Variants in PCYT1B observed in about 807,000 individuals in gnomAD.
The protein encoded by PCYT1B is choline-phosphate cytidylyltransferase B.
PCYT1B carries 10 observed loss-of-function variants against 26.4 expected under a neutral mutation model. The observed-to-expected ratio is 0.38, with a 90% CI of 0.23 to 0.64. PCYT1B has a LOEUF of 0.64. Ranked by LOEUF, PCYT1B falls within the 30% of genes least tolerant of loss-of-function variation. The pLI is 0.56. For synonymous variants in PCYT1B, 131 were observed against 108.4 expected (o/e 1.21, Z -1.29); for missense variants, 161 against 292.7 (o/e 0.55, Z 3.28).
chrX:24,665,198 A>T (rs1927102944), intron 1 of PCYT1B, among the ~76,000 whole-genome samples: 1 of 112,121 alleles, frequency 8.9e-6, no homozygotes, highest in Admixed American at 9.5e-5. Context: ...AGGTTTGGCA[A>T]ATTAATAATA....
intron 1 of PCYT1B, among the ~76,000 whole-genome samples, chrX:24,670,636 G>A (rs1377553682): frequency 5.4e-5 from 6 of 111,994 alleles, no homozygotes; most frequent in Non-Finnish European, 1.1e-4. Context: ...GCTCAAGGAG[G>A]TTAAATAAGC....
chrX:24,626,260 A>G (rs1445760519), intron 1 of PCYT1B, among the ~76,000 whole-genome samples: 1 of 112,641 alleles, frequency 8.9e-6, no homozygotes, highest in Non-Finnish European at 1.9e-5. Flanking sequence ...CACATTAGCC[A>G]CATTTCAGGT....
chrX:24,667,146 C>G (rs1191093544), intron 1 of PCYT1B, among the ~76,000 whole-genome samples: 1 of 110,436 alleles, frequency 9.1e-6, no homozygotes, highest in Non-Finnish European at 1.9e-5. Flanking sequence ...TGGCTAAGAT[C>G]AAGCGGAGAG....
At chrX:24,654,945 G>C (rs1034744595) in intron 1 of PCYT1B, among the ~76,000 whole-genome samples, 1 of 109,762 alleles carries the variant, frequency 9.1e-6, no homozygotes, top group African/African-American at 3.3e-5. Flanking sequence ...TTAAGGTCTG[G>C]GCCTAATAGT....
chrX:24,656,492 G>A (rs1198118756), intron 1 of PCYT1B, among the ~76,000 whole-genome samples: 4 of 105,359 alleles, frequency 3.8e-5, no homozygotes, highest in African/African-American at 7.0e-5. Flanking sequence ...ATATATATTT[G>A]CAATTGGTTG....
upstream of PCYT1B, among the ~76,000 whole-genome samples, chrX:24,651,454 C>CAAA (rs1188690484): frequency 5.4e-4 from 6 of 11,069 alleles, no homozygotes; most frequent in Non-Finnish European, 7.1e-4. Flanking sequence ...GATGCCATCT[C>CAAA]AAAAAAAAAA....
intron 1 of PCYT1B, among the ~76,000 whole-genome samples, chrX:24,670,079 A>AGAAG (rs1927212665): frequency 2.3e-5 from 2 of 86,270 alleles, no homozygotes; most frequent in Non-Finnish European, 4.6e-5. Flanking sequence ...AAAGAAAGAA[A>AGAAG]GAAAGAAAGA....
intron 5 of PCYT1B, among the ~76,000 whole-genome samples, chrX:24,581,560 C>T (rs1377067338): frequency 8.9e-6 from 1 of 112,250 alleles, no homozygotes; most frequent in Non-Finnish European, 1.9e-5. Context: ...ACTAGGTCTT[C>T]TGGTGTGTTG....
chrX:24,671,341 G>GAATCAATC (rs370090148), intron 1 of PCYT1B, among the ~76,000 whole-genome samples: 1,332 of 102,991 alleles, frequency 0.013, 9 homozygotes, highest in Non-Finnish European at 0.017. Flanking sequence ...ATGAATGAAT[G>GAATCAATC]AATCAATCAA....
intron 6 of PCYT1B, among the ~76,000 whole-genome samples, chrX:24,577,925 T>C (rs1924073741): frequency 1.8e-5 from 2 of 111,235 alleles, no homozygotes; most frequent in African/African-American, 6.5e-5. Context: ...TTTAACAGCT[T>C]GTTTTGCTTA....
intron 1 of PCYT1B, among the ~76,000 whole-genome samples, chrX:24,623,381 A>ATATATATATATG (rs1175934313): frequency 1.2e-4 from 3 of 24,096 alleles, no homozygotes; most frequent in African/African-American, 3.2e-4. Context: ...ATATATATAT[A>ATATATATATATG]TATATATATA....
chrX:24,633,732 A>C (rs1226721794), intron 1 of PCYT1B, among the ~76,000 whole-genome samples: 1 of 111,472 alleles, frequency 9.0e-6, no homozygotes, highest in Non-Finnish European at 1.9e-5. Context: ...TGTGGCCAGA[A>C]ATACGCCATA....
intron 1 of PCYT1B, among the ~76,000 whole-genome samples, chrX:24,642,145 A>ACTACTACC (rs1380423205): frequency 8.9e-6 from 1 of 112,917 alleles, no homozygotes; most frequent in East Asian, 2.8e-4. Context: ...CACAAACCAA[A>ACTACTACC]CTACTACCTT....
At position 24,579,415 on chromosome X, in the gene PCYT1B, C is replaced by T. The variant is rs749533958; in HGVS notation, c.609G>A (p.Ser203=). ...CACGAACAATTCTGGTAATGATGTC[C>T]GATGTTGAGATGCCTTCTGTTCTCT... is the stretch of plus-strand genomic sequence containing the variant. ...PTQRTEGIST[S]DIITRIVRDY... The change falls in exon 6 of 8, where the codon TCG becomes TCA. Residue 203 remains serine (S), a synonymous_variant. Coordinates refer to ENST00000379144, the MANE Select transcript of PCYT1B (RefSeq NM_004845.5). 6.6e-6 allele frequency: 8 copies of T among 1,206,588 alleles called. No individual in the cohort carries two copies. The highest frequency in any genetic ancestry group is 3.5e-5 in the South Asian group (2 of 56,656).
intron 6 of PCYT1B, among the ~76,000 whole-genome samples, chrX:24,578,734 T>G (rs1359062916): frequency 8.9e-6 from 1 of 111,733 alleles, no homozygotes; most frequent in Non-Finnish European, 1.9e-5. Context: ...CCCTTTCCTT[T>G]CAGCAGAAGA....
intron 1 of PCYT1B, among the ~76,000 whole-genome samples, chrX:24,639,711 C>A (rs1038666139): frequency 8.9e-6 from 1 of 111,825 alleles, no homozygotes; most frequent in Non-Finnish European, 1.9e-5. Context: ...GATAGAGAGG[C>A]CTTCAACTTT....
At chrX:24,593,207 G>A (rs1030806432) in intron 3 of PCYT1B, among the ~76,000 whole-genome samples, 4 of 111,614 alleles carry the variant, frequency 3.6e-5, no homozygotes, top group Non-Finnish European at 7.5e-5. Flanking sequence ...CTGGCCCCTA[G>A]TAGGCTTTTA....
chrX:24,562,485 C>G lies in PCYT1B; in HGVS notation c.918G>C (p.Arg306Ser). Residue 306 changes from arginine (R) to serine (S), a missense_variant, in exon 8 of 8, where the codon AGG becomes AGC. This residue lies in a region of PCYT1B where 38 missense variants were observed against 55.9 expected (regional missense o/e 0.68). Coordinates refer to ENST00000379144, the MANE Select transcript of PCYT1B (RefSeq NM_004845.5). ...ATAAGGCCTGCAGCATCCGGCTGCT[C>G]CTCTCCTGGAACATCTGCTTCTAAA... ...DGAWKQMFQE[R>S]SSRMLQALSP... 2 of 1,203,424 alleles carry G rather than the reference C, an allele frequency of 1.7e-6. No individual in the cohort carries two copies. The highest frequency in any genetic ancestry group is 2.2e-6 in the Non-Finnish European group (2 of 890,769).
chrX:24,595,747 G>A (rs1367940991), intron 3 of PCYT1B, among the ~76,000 whole-genome samples: 7 of 110,493 alleles, frequency 6.3e-5, no homozygotes, highest in Non-Finnish European at 9.5e-5. Flanking sequence ...GGGCGTTAGT[G>A]GTGCACGCCT....
Sources: allele counts gnomAD v4.1 joint callset (sites outside exome capture counted in the v4.1 genomes callset), GRCh38; gene constraint gnomAD v4.1.1; regional missense constraint gnomAD v4.1.1; transcripts MANE v1.5; gene names NCBI Gene and HGNC (gene_info 2026-07-23, HGNC 2026-07-21).